PRKG1: variants seen among roughly 807,000 people sequenced by gnomAD.
PRKG1 encodes protein kinase cGMP-dependent 1, also known as cGMP-dependent protein kinase 1.
A neutral mutation model predicts 88.1 loss-of-function variants in PRKG1; 35 were observed. The ratio of observed to expected loss-of-function variants is 0.40; its 90% CI spans 0.30 to 0.53. The LOEUF is 0.53. PRKG1 is among the 20% of genes least tolerant of loss of function. The probability of loss-of-function intolerance (pLI) is 0.59; values close to 1 mark genes in which losing one functional copy is unlikely to be tolerated. For synonymous variants in PRKG1, 303 were observed against 292.5 expected (o/e 1.04, Z -0.37); for missense variants, 540 against 839.8 (o/e 0.64, Z 4.41).
chr10:52,052,425 A>AAT, intron 5 of PRKG1, among the ~76,000 whole-genome samples: 1 of 99,668 alleles, frequency 1.0e-5, no homozygotes, highest in South Asian at 2.8e-4. Context: ...AAAAAAATAA[A>AAT]ATAATAATAA....
At chr10:51,623,628 CTA>C (rs1425469434) in intron 3 of PRKG1, among the ~76,000 whole-genome samples, 1 of 152,114 alleles carries the variant, frequency 6.6e-6, no homozygotes, top group Non-Finnish European at 1.5e-5. Context: ...AAGGAAGAAA[CTA>C]TGGAATTGCT....
chr10:51,945,226 T>C lies in PRKG1; in HGVS notation c.762+37656T>C, dbSNP rs978248684. Among the ~76,000 whole-genome samples the C allele has an allele frequency of 8.8e-5, 13 of 148,068 alleles. 1 individual carries two copies. Among genetic ancestry groups the C allele is most frequent in the African/African-American group, 3.2e-4 (13 of 40,208 alleles). Reference sequence around the variant, plus strand: ...ATTATGTAATGGCCTTCTTTGTCTGTTTTGATCTTTGTTGGTTTAAAGTGT... The same window carrying C: ...ATTATGTAATGGCCTTCTTTGTCTGCTTTGATCTTTGTTGGTTTAAAGTGT... On this transcript the variant is annotated intron_variant, in intron 5 of 17. Coordinates refer to ENST00000373980, the MANE Select transcript of PRKG1 (RefSeq NM_006258.4).
chr10:52,217,352 C>CTATA (rs76704412), intron 9 of PRKG1, among the ~76,000 whole-genome samples: 33,651 of 149,676 alleles, frequency 0.22, 4,002 homozygotes, highest in Non-Finnish European at 0.26. Flanking sequence ...ATCTATCTAT[C>CTATA]TATATATATA....
intron 1 of PRKG1, among the ~76,000 whole-genome samples, chr10:51,143,533 T>A (rs1046980647): frequency 6.6e-6 from 1 of 152,102 alleles, no homozygotes; most frequent in Admixed American, 6.6e-5. Context: ...TTTTTAATTT[T>A]TTGAGGAATC....
chr10:52,082,997 C>A (rs919336508), intron 7 of PRKG1, among the ~76,000 whole-genome samples: 1 of 151,914 alleles, frequency 6.6e-6, no homozygotes, highest in Non-Finnish European at 1.5e-5. Flanking sequence ...AAAAAATACA[C>A]GGATTATGGA....
Position 52,272,381 on chromosome 10 carries a change from G to T in PRKG1, c.1314-11G>T. ...GTTTATAATCTTTGTTTTCTTGTTTGCAATTTACAGACTGTACAGAACATT... is the reference window on the plus strand; with the variant it reads ...GTTTATAATCTTTGTTTTCTTGTTTTCAATTTACAGACTGTACAGAACATT... On this transcript the variant is annotated splice_polypyrimidine_tract_variant and intron_variant, in intron 11 of 17. Transcript: ENST00000373980. 6.4e-7 allele frequency: 1 copy of T among 1,565,098 alleles called. No homozygotes were observed. The highest frequency in any genetic ancestry group is 8.7e-7 in the Non-Finnish European group (1 of 1,146,906).
intron 2 of PRKG1, among the ~76,000 whole-genome samples, chr10:51,392,962 C>T (rs1414630845): frequency 7.1e-6 from 1 of 139,908 alleles, no homozygotes; most frequent in Non-Finnish European, 1.6e-5. Context: ...TGAGGGCTGA[C>T]CCCCCACCTC....
intron 2 of PRKG1, among the ~76,000 whole-genome samples, chr10:51,227,935 G>T (rs1838736615): frequency 6.6e-6 from 1 of 152,004 alleles, no homozygotes. Flanking sequence ...GACATCTCTA[G>T]ACTATTCTAC....
chr10:52,037,162 G>A (rs1468885745), intron 5 of PRKG1, among the ~76,000 whole-genome samples: 1 of 152,208 alleles, frequency 6.6e-6, no homozygotes, highest in African/African-American at 2.4e-5. Context: ...GATGGGACAC[G>A]GCTTAGGAGG....
chr10:51,297,974 T>C (rs1225453302), intron 2 of PRKG1, among the ~76,000 whole-genome samples: 2 of 152,092 alleles, frequency 1.3e-5, no homozygotes, highest in African/African-American at 4.8e-5. Context: ...GTGATATATT[T>C]ATATAAAGAG....
At chr10:51,049,018 C>T (rs1012007298) in intron 1 of PRKG1, among the ~76,000 whole-genome samples, 5 of 152,162 alleles carry the variant, frequency 3.3e-5, no homozygotes, top group African/African-American at 9.6e-5. Flanking sequence ...TTTGCTGGGG[C>T]GTTGCTCATG....
chr10:51,969,655 A>G (rs900398913), intron 5 of PRKG1, among the ~76,000 whole-genome samples: 1 of 152,084 alleles, frequency 6.6e-6, no homozygotes, highest in Non-Finnish European at 1.5e-5. Context: ...TAACATATAA[A>G]AAGGAGCTCA....
chr10:51,273,348 CAAAA>C (rs35237197), intron 2 of PRKG1, among the ~76,000 whole-genome samples: 12 of 118,624 alleles, frequency 1.0e-4, no homozygotes, highest in Admixed American at 8.6e-5. Flanking sequence ...CCATCTCTTC[CAAAA>C]AAAAAAAAAA....
chr10:52,099,808 G>A (rs146577832), intron 7 of PRKG1, among the ~76,000 whole-genome samples: 1 of 152,260 alleles, frequency 6.6e-6, no homozygotes, highest in African/African-American at 2.4e-5. Context: ...ACTTCATTCT[G>A]TAAGGCTCCT....
intron 1 of PRKG1, among the ~76,000 whole-genome samples, chr10:51,065,708 C>A (rs1331604085): frequency 6.6e-6 from 1 of 152,030 alleles, no homozygotes; most frequent in Non-Finnish European, 1.5e-5. Context: ...TTACTCCTAC[C>A]TTTATTTATT....
At chr10:52,019,104 G>C (rs944005472) in intron 5 of PRKG1, among the ~76,000 whole-genome samples, 1 of 152,114 alleles carries the variant, frequency 6.6e-6, no homozygotes, top group African/African-American at 2.4e-5. Context: ...AAAGGCGTAG[G>C]GGGAGGTACC....
chr10:51,552,992 A>G (rs1159219164), intron 3 of PRKG1, among the ~76,000 whole-genome samples: 1 of 151,708 alleles, frequency 6.6e-6, no homozygotes, highest in Non-Finnish European at 1.5e-5. Flanking sequence ...ATCCAAAATA[A>G]CATAATGAGG....
At chr10:51,571,376 A>G (rs971215520) in intron 3 of PRKG1, among the ~76,000 whole-genome samples, 3 of 151,988 alleles carry the variant, frequency 2.0e-5, no homozygotes, top group Admixed American at 6.6e-5. Context: ...AAATAGAAAT[A>G]ATAATACTTG....
intron 3 of PRKG1, among the ~76,000 whole-genome samples, chr10:51,611,583 C>T (rs1838910557): frequency 6.6e-6 from 1 of 150,752 alleles, no homozygotes; most frequent in South Asian, 2.1e-4. Flanking sequence ...AGAGGTTGCC[C>T]CTTTACTCTG....
Sources: allele counts gnomAD v4.1 joint callset (sites outside exome capture counted in the v4.1 genomes callset), GRCh38; gene constraint gnomAD v4.1.1; transcripts MANE v1.5; gene names NCBI Gene and HGNC (gene_info 2026-07-23, HGNC 2026-07-21).